The following CBFB variants were observed in gnomAD, a reference collection of about 807,000 sequenced individuals.
CBFB encodes CBF-beta.
A neutral mutation model predicts 30.4 loss-of-function variants in CBFB; 9 were observed. The ratio of observed to expected loss-of-function variants is 0.30; its 90% confidence interval spans 0.18 to 0.52. The LOEUF (loss-of-function observed/expected upper bound fraction) is 0.52. Among genes scored for constraint, CBFB ranks in the 20% least tolerant of loss-of-function variants. The probability of loss-of-function intolerance (pLI) is 0.97; values close to 1 mark genes in which losing one functional copy is unlikely to be tolerated. For synonymous variants in CBFB, 94 were observed against 84.0 expected (o/e 1.12, Z -0.65); for missense variants, 170 against 244.0 (o/e 0.70, Z 2.02).
chr16:67,060,349 AT>A (rs1475945518), intron 3 of CBFB, among the ~76,000 whole-genome samples: 2 of 152,172 alleles, frequency 1.3e-5, no homozygotes, highest in South Asian at 4.1e-4. Context: ...CGATTCATTG[AT>A]TTTTAGTACA....
At position 67,099,497 on chromosome 16, in the gene CBFB, T is replaced by C; in HGVS notation, c.*719T>C. On this transcript the variant is annotated 3_prime_UTR_variant, in exon 6 of 6. Coordinates refer to ENST00000412916, the MANE Select transcript of CBFB (RefSeq NM_022845.3). ...TCGAACTCCTGGCATCAAGCGATCC[T>C]CCTGCCTTAGCCTCCCAGAGTACTG... 5.0e-6 allele frequency: 1 copy of C among 201,880 alleles called. No individual in the cohort carries two copies. Among genetic ancestry groups the C allele is most frequent in the Non-Finnish European group, 1.0e-5 (1 of 98,110 alleles). The allele number at this position is 201,880 out of a possible 1,614,324, so 12.5% of individuals were successfully genotyped here.
chr16:67,062,937 T>C (rs1960952263), intron 3 of CBFB, among the ~76,000 whole-genome samples: 1 of 152,170 alleles, frequency 6.6e-6, no homozygotes. Context: ...GATGTCTCCA[T>C]GATTAGAATT....
intron 4 of CBFB, among the ~76,000 whole-genome samples, chr16:67,077,823 A>G (rs1961444156): frequency 6.6e-6 from 1 of 152,248 alleles, no homozygotes; most frequent in Non-Finnish European, 1.5e-5. Flanking sequence ...TTACTACAAC[A>G]AGAGTGGTCG....
intron 3 of CBFB, among the ~76,000 whole-genome samples, chr16:67,046,087 C>G (rs1339265800): frequency 6.6e-6 from 1 of 151,818 alleles, no homozygotes; most frequent in Non-Finnish European, 1.5e-5. Flanking sequence ...CTCTGAGCCA[C>G]TGTGCCTGGC....
chr16:67,066,249 C>A (rs1052586730), intron 3 of CBFB, among the ~76,000 whole-genome samples: 1 of 151,806 alleles, frequency 6.6e-6, no homozygotes, highest in East Asian at 1.9e-4. Context: ...ACCCAACATT[C>A]AAAAATCAAA....
In CBFB at chr16:67,059,034, C is replaced by A. The variant is rs541167868; in HGVS notation, c.283-7648C>A. On this transcript the variant is annotated intron_variant, in intron 3 of 5. Transcript: ENST00000412916. Reference sequence around the variant, plus strand: ...CCTTGAAATTCTCTTTAGAATCACTCAAAAGAGGGAACTCTGCCATCCCTT... The same window carrying A: ...CCTTGAAATTCTCTTTAGAATCACTAAAAAGAGGGAACTCTGCCATCCCTT... Among the ~76,000 whole-genome samples, 141 of 152,264 alleles carry A rather than the reference C, an allele frequency of 9.3e-4. 1 individual carries two copies. The highest frequency in any genetic ancestry group is 3.2e-3 in the African/African-American group (133 of 41,552).
At chr16:67,085,356 C>G (rs11866893) in intron 5 of CBFB, among the ~76,000 whole-genome samples, 9,569 of 151,942 alleles carry the variant, frequency 0.063, 487 homozygotes, top group African/African-American at 0.13. Flanking sequence ...TTTTAGTAGA[C>G]ACGAGGTTTC....
intron 3 of CBFB, among the ~76,000 whole-genome samples, chr16:67,051,633 C>T (rs529827895): frequency 2.6e-5 from 4 of 151,910 alleles, no homozygotes; most frequent in Admixed American, 6.6e-5. Flanking sequence ...TAACCTGCCA[C>T]GTTTATGTAA....
intron 4 of CBFB, among the ~76,000 whole-genome samples, chr16:67,069,873 C>T (rs1298236693): frequency 6.6e-6 from 1 of 152,122 alleles, no homozygotes; most frequent in Non-Finnish European, 1.5e-5. Context: ...CCTGTAATCC[C>T]AGCACTTTGG....
At chr16:67,041,882 A>G (rs1270374568) in intron 3 of CBFB, among the ~76,000 whole-genome samples, 2 of 149,786 alleles carry the variant, frequency 1.3e-5, no homozygotes, top group Non-Finnish European at 3.0e-5. Context: ...CCTAGGCTCA[A>G]GAGATCCTCC....
chr16:67,078,798 T>C (rs938213986), intron 4 of CBFB, among the ~76,000 whole-genome samples: 1 of 152,092 alleles, frequency 6.6e-6, no homozygotes, highest in African/African-American at 2.4e-5. Context: ...TACAGGGGCC[T>C]GCCACCATGC....
chr16:67,050,215 TTA>T (rs1400935830), intron 3 of CBFB, among the ~76,000 whole-genome samples: 6 of 147,818 alleles, frequency 4.1e-5, no homozygotes, highest in African/African-American at 1.5e-4. Flanking sequence ...TATATATAAT[TTA>T]TATATCACAT....
At chr16:67,040,248 A>G (rs143478918) in intron 3 of CBFB, among the ~76,000 whole-genome samples, 4 of 152,296 alleles carry the variant, frequency 2.6e-5, no homozygotes, top group Admixed American at 2.6e-4. Context: ...TCCAAATGTT[A>G]ATTATTTGCC....
At chr16:67,088,219 G>A (rs974004778) in intron 5 of CBFB, among the ~76,000 whole-genome samples, 12 of 152,112 alleles carry the variant, frequency 7.9e-5, no homozygotes, top group African/African-American at 1.4e-4. Flanking sequence ...GGCACTTAGC[G>A]TGTATATATT....
chr16:67,057,369 C>G (rs923018983), intron 3 of CBFB, among the ~76,000 whole-genome samples: 5 of 152,170 alleles, frequency 3.3e-5, no homozygotes, highest in African/African-American at 1.2e-4. Context: ...TATTTCTGAT[C>G]ATTTACCATT....
At chr16:67,047,775 A>G (rs1966654294) in intron 3 of CBFB, among the ~76,000 whole-genome samples, 1 of 151,902 alleles carries the variant, frequency 6.6e-6, no homozygotes, top group Non-Finnish European at 1.5e-5. Context: ...TTTCTTGGCC[A>G]TTTTTTTACT....
chr16:67,091,983 C>T (rs1961897798), intron 5 of CBFB, among the ~76,000 whole-genome samples: 3 of 152,142 alleles, frequency 2.0e-5, no homozygotes, highest in Non-Finnish European at 2.9e-5. Context: ...AAGCGATTCT[C>T]CTGCCTCAGC....
chr16:67,032,961 G>A (rs1267468575), intron 2 of CBFB, among the ~76,000 whole-genome samples: 4 of 151,876 alleles, frequency 2.6e-5, no homozygotes, highest in South Asian at 2.1e-4. Context: ...TGCAACCTCC[G>A]TCCCCCATGT....
Position 67,100,957 on chromosome 16 carries a change from TA to T in CBFB, c.*2183del, listed in dbSNP as rs1436946725. 37 of 188,476 alleles carry T rather than the reference TA, an allele frequency of 2.0e-4. No homozygotes were observed. The highest frequency in any genetic ancestry group is 8.6e-4 in the African/African-American group (37 of 42,802). 11.7% of individuals were successfully genotyped at this position (188,476 alleles called of 1,614,324 possible). ...TCATCTTTTCTAAATTCATCTCCAT[TA>T]AAACTTGCCTTAAGCTACCAGATTG... On this transcript the variant is annotated 3_prime_UTR_variant, in exon 6 of 6. Coordinates refer to ENST00000412916, the MANE Select transcript of CBFB (RefSeq NM_022845.3).
Sources: allele counts gnomAD v4.1 joint callset (sites outside exome capture counted in the v4.1 genomes callset), GRCh38; gene constraint gnomAD v4.1.1; transcripts MANE v1.5; gene names NCBI Gene and HGNC (gene_info 2026-07-23, HGNC 2026-07-21).